EXD2: variants seen among roughly 807,000 people sequenced by gnomAD.
EXD2 encodes exonuclease 3'-5' domain containing 2.
EXD2 carries 40 observed loss-of-function variants against 62.5 expected under a neutral mutation model. That is an observed-to-expected ratio of 0.64 (90% CI 0.50 to 0.83). The LOEUF (loss-of-function observed/expected upper bound fraction) is 0.83. Ranked by LOEUF, EXD2 falls within the 40% of genes least tolerant of loss-of-function variation. The pLI, the probability that EXD2 is intolerant of heterozygous loss-of-function variation, is 0.00. For missense variants in EXD2, 671 were observed against 761.8 expected (o/e 0.88, Z 1.40); for synonymous variants, 239 against 291.9 (o/e 0.82, Z 1.85).
rs2043983713 is a variant in EXD2 at position 69,241,515 on chromosome 14, A to G, written c.*415A>G. ...GGCTGTCCAGTATATCGGTCCTGTTAGGAGGGGAGAAAAAGTTCTTCCAAA... is the reference window on the plus strand; with the variant it reads ...GGCTGTCCAGTATATCGGTCCTGTTGGGAGGGGAGAAAAAGTTCTTCCAAA... On this transcript the variant is annotated 3_prime_UTR_variant, in exon 10 of 10. Coordinates refer to ENST00000685843, the MANE Select transcript of EXD2 (RefSeq NM_001193360.2). 1 of 254,660 alleles carries G rather than the reference A, an allele frequency of 3.9e-6. No individual in the cohort carries two copies. Among genetic ancestry groups the G allele is most frequent in the African/African-American group, 2.2e-5 (1 of 45,070 alleles). 15.8% of individuals were successfully genotyped at this position (254,660 alleles called of 1,614,324 possible).
rs1320868524 is a variant in EXD2, at chr14:69,234,947, TG to T, written c.967del (p.Asp323MetfsTer66). On this transcript the variant is annotated frameshift_variant, in exon 6 of 10. Transcript: ENST00000685843. LOFTEE classifies it high-confidence loss of function. ...QQKPRNKKSK[M>X]DGMVPGNHQG... ...AAGCCAAGAAATAAGAAGTCTAAGA[TG>T]GATGGGATGGTGCCAGGCAACCACC... 6.2e-7 allele frequency: 1 copy of T among 1,613,682 alleles called. No homozygotes were observed. Among genetic ancestry groups the T allele is most frequent in the East Asian group, 2.2e-5 (1 of 44,878 alleles).
intron 3 of EXD2, among the ~76,000 whole-genome samples, chr14:69,221,909 TAAAAA>T (rs60647735): frequency 2.9e-4 from 15 of 52,032 alleles, no homozygotes; most frequent in African/African-American, 1.0e-3. Flanking sequence ...CTGTCTCTAC[TAAAAA>T]AAAAAAAAAA....
chr14:69,209,363 A>G, intron 2 of EXD2, 61 bp from the exon 3 acceptor site: 4 of 903,070 alleles, frequency 4.4e-6, no homozygotes, highest in East Asian at 3.0e-5. Flanking sequence ...TTAGAGGAAA[A>G]CTTGTTTATG....
At chr14:69,237,070 T>A (rs2043820133) in intron 8 of EXD2, among the ~76,000 whole-genome samples, 1 of 152,194 alleles carries the variant, frequency 6.6e-6, no homozygotes. Flanking sequence ...CCCTGCAAAG[T>A]GAGACAAAGT....
chr14:69,231,383 G>A (rs912563321), intron 5 of EXD2, among the ~76,000 whole-genome samples: 1 of 152,014 alleles, frequency 6.6e-6, no homozygotes, highest in Admixed American at 6.6e-5. Context: ...TGGGAGATAC[G>A]GTTTAGTACT....
In EXD2 at chr14:69,237,449, C is replaced by T. The variant is rs531270160; in HGVS notation, c.1293-126C>T. 9.8e-5 allele frequency: 77 copies of T among 781,862 alleles called. 1 individual carries two copies. The highest frequency in any genetic ancestry group is 8.1e-4 in the South Asian group (52 of 64,172). 48.4% of individuals were successfully genotyped at this position (781,862 alleles called of 1,614,324 possible). ...CTGCCTTTCTGTGATCTGTGTTGGG[C>T]GGTGGTGCCCAAGGCTTCTCAGTCA... On this transcript the variant is annotated intron_variant, in intron 8 of 9. Transcript: ENST00000685843.
At chr14:69,220,258 T>TTTTTTTTG (rs2043131776) in intron 3 of EXD2, among the ~76,000 whole-genome samples, 1 of 31,200 alleles carries the variant, frequency 3.2e-5, no homozygotes. Context: ...TCTCTGTTTT[T>TTTTTTTTG]TTTTTTTTTT....
At chr14:69,231,647 G>A (rs1479725771) in intron 5 of EXD2, among the ~76,000 whole-genome samples, 4 of 152,072 alleles carry the variant, frequency 2.6e-5, no homozygotes. Flanking sequence ...TCAGACACAC[G>A]TCAGGTCACT....
At chr14:69,239,762 C>T (rs1352194815) in intron 9 of EXD2, among the ~76,000 whole-genome samples, 5 of 152,148 alleles carry the variant, frequency 3.3e-5, no homozygotes, top group African/African-American at 7.2e-5. Context: ...CCACCACACA[C>T]GGCTAATTTT....
At chr14:69,240,343 T>C (rs2043940004) in intron 9 of EXD2, among the ~76,000 whole-genome samples, 1 of 152,202 alleles carries the variant, frequency 6.6e-6, no homozygotes, top group African/African-American at 2.4e-5. Flanking sequence ...CATGGAAGCA[T>C]TTCACTGTGA....
intron 3 of EXD2, among the ~76,000 whole-genome samples, chr14:69,216,467 A>T (rs534032668): frequency 3.5e-4 from 54 of 152,194 alleles, no homozygotes; most frequent in African/African-American, 9.6e-4. Flanking sequence ...TCACTCTGTC[A>T]CTCAGACTGG....
chr14:69,215,443 G>T lies in EXD2; in HGVS notation c.333+5640G>T, dbSNP rs73282607. On this transcript the variant is annotated intron_variant, in intron 3 of 9. Transcript: ENST00000685843. ...TCTATGAGTGGAGTTCTGGGTCAAG[G>T]AGTTTGTGTGCACATGCACGCACAA... 9.2e-3 allele frequency among the ~76,000 whole-genome samples: 1,398 copies of T among 152,242 alleles called. 23 individuals carry two copies. Among genetic ancestry groups the T allele is most frequent in the African/African-American group, 0.032 (1,309 of 41,516 alleles).
rs3825734 is a variant in EXD2 at position 69,240,409 on chromosome 14, A to T, written c.1650-475A>T. On this transcript the variant is annotated intron_variant, in intron 9 of 9. Coordinates refer to ENST00000685843, the MANE Select transcript of EXD2 (RefSeq NM_001193360.2). ...ATCTTTTTGTGAGAAAAAAGGCTCT[A>T]AAGAAATATGCTACCTTGCATTTGA... 3.9e-5 allele frequency among the ~76,000 whole-genome samples: 6 copies of T among 152,238 alleles called. No homozygotes were observed. The East Asian group carries it at 1.2e-3, about 29-fold the overall frequency.
At chr14:69,240,551 G>C (rs985674891) in intron 9 of EXD2, among the ~76,000 whole-genome samples, 1 of 152,072 alleles carries the variant, frequency 6.6e-6, no homozygotes, top group Non-Finnish European at 1.5e-5. Context: ...CTGGTCACTG[G>C]GTAATCCTGG....
intron 5 of EXD2, among the ~76,000 whole-genome samples, 175 bp downstream of exon 5, chr14:69,230,773 A>G (rs2043547162): frequency 6.6e-6 from 1 of 152,192 alleles, no homozygotes; most frequent in South Asian, 2.1e-4. Flanking sequence ...TAAATAAAGG[A>G]TAAGAGTCCT....
At chr14:69,199,775 A>G (rs78763178) in intron 1 of EXD2, among the ~76,000 whole-genome samples, 2,026 of 152,294 alleles carry the variant, frequency 0.013, 42 homozygotes, top group African/African-American at 0.047. Flanking sequence ...AGCTGTATCT[A>G]TGATAACAAT....
At chr14:69,204,562 A>C (rs1474212984) in intron 2 of EXD2, among the ~76,000 whole-genome samples, 1 of 152,200 alleles carries the variant, frequency 6.6e-6, no homozygotes, top group Non-Finnish European at 1.5e-5. Flanking sequence ...GTCTTAAAAA[A>C]AAAAGTTTTA....
chr14:69,228,931 G>T lies in EXD2; in HGVS notation c.449G>T (p.Arg150Ile). 6.2e-7 allele frequency: 1 copy of T among 1,614,144 alleles called. No individual in the cohort carries two copies. Among genetic ancestry groups the T allele is most frequent in the Admixed American group, 1.7e-5 (1 of 60,022 alleles). The stretch of plus-strand genomic sequence containing the variant: ...ATCTGTGGAGGAAAAACACTACCAA[G>T]AACGTTATTGGATATTTTGGCAGAT... ...KLICGGKTLP[R>I]TLLDILADGT... Residue 150 changes from arginine to isoleucine, a missense_variant, in exon 4 of 10, where the codon AGA becomes ATA. Physicochemically the swap from Arg to Ile is moderately conservative, Grantham distance 97. Transcript: ENST00000685843.
At chr14:69,197,697 C>T (rs2140186323) in intron 1 of EXD2, among the ~76,000 whole-genome samples, 1 of 152,224 alleles carries the variant, frequency 6.6e-6, no homozygotes, top group South Asian at 2.1e-4. Context: ...TTTTCTGTTC[C>T]TGCATTAATT....
Sources: gnomAD v4.1 joint callset for allele counts (sites outside exome capture counted in the v4.1 genomes callset) on GRCh38, gnomAD v4.1.1 for gene constraint, MANE v1.5 for transcripts, NCBI Gene and HGNC (gene_info 2026-07-23, HGNC 2026-07-21) for gene names.